The following PNPLA6 variants were observed in gnomAD, a reference collection of about 807,000 sequenced individuals.
The protein encoded by PNPLA6 is patatin-like phospholipase domain-containing protein 6.
PNPLA6 carries 105 observed loss-of-function variants against 153.7 expected under a neutral mutation model. The observed-to-expected ratio is 0.68, with a 90% CI of 0.58 to 0.80. The LOEUF is 0.80. Ranked by LOEUF, PNPLA6 falls within the 30% of genes least tolerant of loss-of-function variation. The pLI is 0.00. For missense variants in PNPLA6, 1,423 were observed against 1,919.3 expected (o/e 0.74, Z 4.83); for synonymous variants, 825 against 822.2 (o/e 1.00, Z -0.06).
chr19:7,557,185 G>T lies in PNPLA6; in HGVS notation c.3298G>T (p.Val1100Leu). The T allele has an allele frequency of 1.2e-6, 2 of 1,612,628 alleles. No individual in the cohort carries two copies. Among genetic ancestry groups the T allele is most frequent in the African/African-American group, 1.3e-5 (1 of 75,020 alleles). Residue 1100 changes from valine (V) to leucine (L), a missense_variant, in exon 27 of 32, where the codon GTG becomes TTG. Physicochemically the swap from Val to Leu is conservative, Grantham distance 32. This residue lies in a region of PNPLA6 where 643 missense variants were observed against 835.2 expected (regional missense o/e 0.77). Coordinates refer to ENST00000600737, the MANE Select transcript of PNPLA6 (RefSeq NM_001166114.2). ...VHKDGSLWRY[V>L]RASMTLSGYL... ...CCGCGCAGGCTCCCTGTGGCGGTAC[G>T]TGCGCGCCAGCATGACGCTGTCGGG...
chr19:7,550,979 C>T lies in PNPLA6; in HGVS notation c.2071-15C>T, dbSNP rs7250363. 9,251 of 1,518,590 alleles carry T rather than the reference C, an allele frequency of 6.1e-3. 425 individuals are homozygous for T. The African/African-American group carries it at 0.1, about 17-fold the overall frequency. 94.1% of individuals were successfully genotyped at this position (1,518,590 alleles called of 1,614,324 possible). On this transcript the variant is annotated splice_polypyrimidine_tract_variant and intron_variant, in intron 16 of 31. Coordinates refer to ENST00000600737, the MANE Select transcript of PNPLA6 (RefSeq NM_001166114.2). ...CCCCACCCAAGCAGCCCCAATCATG[C>T]ACGCGGCCCCCCAGGTGGAGGCACT...
rs1473177184 is a variant in PNPLA6 at position 7,550,983 on chromosome 19, C to G, written c.2071-11C>G. On this transcript the variant is annotated splice_polypyrimidine_tract_variant and intron_variant, in intron 16 of 31. Transcript: ENST00000600737. ...ACCCAAGCAGCCCCAATCATGCACG[C>G]GGCCCCCCAGGTGGAGGCACTGACC... 22 of 1,520,492 alleles carry G rather than the reference C, an allele frequency of 1.4e-5. No individual in the cohort carries two copies. The highest frequency in any genetic ancestry group is 2.0e-5 in the Non-Finnish European group (22 of 1,125,872). The allele number at this position is 1,520,492 out of a possible 1,614,324, so 94.2% of individuals were successfully genotyped here.
In PNPLA6 at chr19:7,540,891, C is replaced by T. The variant is rs775166030; in HGVS notation, c.796-32C>T. On this transcript the variant is annotated intron_variant, in intron 6 of 31. Transcript: ENST00000600737. The surrounding 1 kb of genome is among the most constrained non-coding windows in gnomAD (Gnocchi z 6.8). ...GCGAGGGGGACTCGCAGCCTCTGCC[C>T]TTGTCTCTCTTCACGCCCTCCCCTC... The T allele has an allele frequency of 6.8e-6, 11 of 1,612,746 alleles. No individual in the cohort carries two copies. The Admixed American group carries it at 1.5e-4, about 22-fold the overall frequency.
Position 7,549,901 on chromosome 19 carries a change from G to A in PNPLA6, c.1609-6G>A, listed in dbSNP as rs754967176. ...TCTGTGTTCATCACATCCCCTGCCC[G>A]CACAGGACGTGAGCCTGCACTTCGT... On this transcript the variant is annotated splice_polypyrimidine_tract_variant and splice_region_variant and intron_variant, in intron 13 of 31. Transcript: ENST00000600737. 2 of 1,613,134 alleles carry A rather than the reference G, an allele frequency of 1.2e-6. No individual in the cohort carries two copies. The highest frequency in any genetic ancestry group is 1.7e-6 in the Non-Finnish European group (2 of 1,179,932).
In PNPLA6 at chr19:7,539,963, G is replaced by T; in HGVS notation, c.459G>T (p.Glu153Asp). The T allele has an allele frequency of 6.4e-7, 1 of 1,572,856 alleles. No individual in the cohort carries two copies. The highest frequency in any genetic ancestry group is 8.6e-7 in the Non-Finnish European group (1 of 1,159,644). ...QKETPTLQRK[E>D]PPPAVLEADL... is the part of the protein sequence containing the mutation. The stretch of plus-strand genomic sequence containing the variant: ...AGACGCCCACGCTGCAGCGGAAGGA[G>T]CCCCCGCCCGCAGTGCTAGAAGCTG... The change falls in exon 4 of 32, where the codon GAG (glutamate) becomes GAT (aspartate). Residue 153 changes from glutamate (E) to aspartate (D), a missense_variant. Physicochemically the swap from Glu to Asp is conservative, Grantham distance 45. Transcript: ENST00000600737.
intron 13 of PNPLA6, among the ~76,000 whole-genome samples, chr19:7,544,076 G>A (rs1033312444): frequency 4.6e-5 from 7 of 151,380 alleles, no homozygotes; most frequent in African/African-American, 1.7e-4. Context: ...GCCTTCCAAA[G>A]TGCTGGGATT....
Position 7,540,327 on chromosome 19 carries a change from G to A in PNPLA6, c.714+19G>A. 1 of 1,596,346 alleles carries A rather than the reference G, an allele frequency of 6.3e-7. No individual in the cohort carries two copies. Among genetic ancestry groups the A allele is most frequent in the South Asian group, 1.1e-5 (1 of 90,154 alleles). On this transcript the variant is annotated intron_variant, in intron 5 of 31. Coordinates refer to ENST00000600737, the MANE Select transcript of PNPLA6 (RefSeq NM_001166114.2). This position sits in a 1 kb window ranked among gnomAD's most constrained non-coding sequence, Gnocchi z 6.8. ...AGGGCCTGTGAGTGGGCCTCCCCAG[G>A]GGCTGCTGCAGGAGGATGGGTGGTG... is the stretch of plus-strand genomic sequence containing the variant.
At chr19:7,546,067 CAA>C (rs925339760) in intron 13 of PNPLA6, among the ~76,000 whole-genome samples, 5 of 152,074 alleles carry the variant, frequency 3.3e-5, no homozygotes, top group African/African-American at 1.2e-4. Context: ...CTTGGCACTA[CAA>C]AGTCTGGCTT....
chr19:7,550,471 G>A (rs763837697), intron 15 of PNPLA6, 42 bp downstream of exon 15: 1 of 1,612,384 alleles, frequency 6.2e-7, no homozygotes, highest in South Asian at 1.1e-5. Context: ...CCTAGGGGTG[G>A]GGACCTGGGG....
intron 18 of PNPLA6, among the ~76,000 whole-genome samples, chr19:7,553,035 TGGG>T (rs961487207): frequency 4.0e-5 from 2 of 50,368 alleles, no homozygotes; most frequent in Non-Finnish European, 7.8e-5. Flanking sequence ...TGATGGGGGT[TGGG>T]GGGTAAGTCA....
At position 7,556,652 on chromosome 19, in the gene PNPLA6, C is replaced by G. The variant is rs768558375; in HGVS notation, c.3211-3C>G. On this transcript the variant is annotated splice_region_variant and splice_polypyrimidine_tract_variant and intron_variant, in intron 25 of 31. Coordinates refer to ENST00000600737, the MANE Select transcript of PNPLA6 (RefSeq NM_001166114.2). ...TCCCCCACCTCGATCCCTGTCCCCG[C>G]AGGACCTGTGGCTGCCTTACTTCAA... 4.3e-6 allele frequency: 7 copies of G among 1,612,758 alleles called. No homozygotes were observed. Among genetic ancestry groups the G allele is most frequent in the Non-Finnish European group, 5.9e-6 (7 of 1,178,912 alleles).
intron 14 of PNPLA6, 56 bp from the exon 15 acceptor site, chr19:7,550,242 G>A: frequency 6.2e-7 from 1 of 1,612,444 alleles, no homozygotes; most frequent in Non-Finnish European, 8.5e-7. Flanking sequence ...GCCTCCCAGC[G>A]CCGGTGTAGG....
At position 7,556,053 on chromosome 19, in the gene PNPLA6, CTTTTTTTTTTTTTTT is replaced by C. The variant is rs33951220; in HGVS notation, c.3093+303_3093+317del. The stretch of plus-strand genomic sequence containing the variant: ...ATGACCACATCATCCCTAAGTGTTC[CTTTTTTTTTTTTTTT>C]TTTTTTTTTTTTGAGACTGAGTCTT... On this transcript the variant is annotated intron_variant, in intron 24 of 31. Transcript: ENST00000600737. Among the ~76,000 whole-genome samples the C allele has an allele frequency of 4.2e-3, 252 of 60,338 alleles. 2 individuals are homozygous for C. The Middle Eastern group carries it at 0.061, about 15-fold the overall frequency. The allele number at this position is 60,338 out of a possible 152,430, so 39.6% of individuals were successfully genotyped here.
In PNPLA6 at chr19:7,535,974, C is replaced by G. The variant is rs759997114; in HGVS notation, c.186C>G (p.Val62=). 21 of 1,580,848 alleles carry G rather than the reference C, an allele frequency of 1.3e-5. No individual in the cohort carries two copies. Among genetic ancestry groups the G allele is most frequent in the Non-Finnish European group, 1.7e-5 (20 of 1,165,898 alleles). ...TCGGGGCCGGAGTGGCGGTGGTGGTCACGGCCGTGCTCATCCTCCTGGTGG... is the reference window on the plus strand; with the variant it reads ...TCGGGGCCGGAGTGGCGGTGGTGGTGACGGCCGTGCTCATCCTCCTGGTGG... The part of the protein sequence containing the change: ...VMIGAGVAVV[V]TAVLILLVVR... Residue 62 remains valine (V), a synonymous_variant, in exon 1 of 32, where the codon GTC becomes GTG. Coordinates refer to ENST00000600737, the MANE Select transcript of PNPLA6 (RefSeq NM_001166114.2). The surrounding 1 kb of genome is among the most constrained non-coding windows in gnomAD (Gnocchi z 5.0).
Position 7,540,890 on chromosome 19 carries a change from C to T in PNPLA6, c.796-33C>T, listed in dbSNP as rs2023103108. The T allele has an allele frequency of 6.2e-7, 1 of 1,612,906 alleles. No homozygotes were observed. The highest frequency in any genetic ancestry group is 8.5e-7 in the Non-Finnish European group (1 of 1,179,844). On this transcript the variant is annotated intron_variant, in intron 6 of 31. Coordinates refer to ENST00000600737, the MANE Select transcript of PNPLA6 (RefSeq NM_001166114.2). This position sits in a 1 kb window ranked among gnomAD's most constrained non-coding sequence, Gnocchi z 6.8. Reference sequence around the variant, plus strand: ...AGCGAGGGGGACTCGCAGCCTCTGCCCTTGTCTCTCTTCACGCCCTCCCCT... The same window carrying T: ...AGCGAGGGGGACTCGCAGCCTCTGCTCTTGTCTCTCTTCACGCCCTCCCCT...
intron 13 of PNPLA6, among the ~76,000 whole-genome samples, chr19:7,545,909 C>CA (rs554820974): frequency 0.69 from 69,436 of 100,444 alleles, 23,432 homozygotes; most frequent in Non-Finnish European, 0.74. Flanking sequence ...GACCCTGTCT[C>CA]AAAAAAAAAA....
At chr19:7,534,369 G>A (rs2022744193), upstream of PNPLA6, 1 of 173,298 alleles carries the variant, frequency 5.8e-6, no homozygotes, top group Non-Finnish European at 1.3e-5. Context: ...TACCCCCCAC[G>A]TCTCGGCAGG....
intron 10 of PNPLA6, 65 bp from the exon 11 acceptor site, chr19:7,542,495 TG>T: frequency 8.1e-7 from 1 of 1,233,976 alleles, no homozygotes; most frequent in Non-Finnish European, 1.2e-6. Flanking sequence ...CCACTACACC[TG>T]GCTCATTTTT....
Position 7,535,830 on chromosome 19 carries a change from G to A in PNPLA6, c.42G>A (p.Gly14=), listed in dbSNP as rs1463168054. 11 of 1,537,106 alleles carry A rather than the reference G, an allele frequency of 7.2e-6. No homozygotes were observed. Among genetic ancestry groups the A allele is most frequent in the African/African-American group, 1.4e-5 (1 of 73,074 alleles). The change falls in exon 1 of 32, where the codon GGG becomes GGA. Residue 14 remains glycine, a synonymous_variant. Transcript: ENST00000600737. The surrounding 1 kb of genome is among the most constrained non-coding windows in gnomAD (Gnocchi z 5.0). ...SSHGLATNSS[G]AKVAERDGFQ... Reference sequence around the variant, plus strand: ...ACGGGCTGGCTACGAACTCCTCGGGGGCGAAGGTGGCGGAGAGGGATGGGT... The same window carrying A: ...ACGGGCTGGCTACGAACTCCTCGGGAGCGAAGGTGGCGGAGAGGGATGGGT...
Sources: gnomAD v4.1 joint callset for allele counts (sites outside exome capture counted in the v4.1 genomes callset) on GRCh38, gnomAD v4.1.1 for gene constraint, gnomAD v4.1.1 regional missense constraint, Gnocchi (gnomAD v3.1) non-coding constraint, MANE v1.5 for transcripts, NCBI Gene and HGNC (gene_info 2026-07-23, HGNC 2026-07-21) for gene names.